RARB: variants seen among roughly 807,000 people sequenced by gnomAD.
RARB encodes the protein retinoic acid receptor beta, also known as HBV-activated protein.
RARB carries 17 observed loss-of-function variants against 51.9 expected under a neutral mutation model. The observed-to-expected ratio is 0.33, with a 90% CI of 0.22 to 0.49. The LOEUF is 0.49. Ranked by LOEUF, RARB falls within the 20% of genes least tolerant of loss-of-function variation. RARB has a pLI of 0.99. For synonymous variants in RARB, 215 were observed against 195.4 expected, an observed-to-expected ratio of 1.10 and a Z score of -0.84; for missense variants, 369 against 550.8, an observed-to-expected ratio of 0.67 and a Z score of 3.30.
At chr3:25,154,502 C>G (rs565716617) in intron 4 of RARB, among the ~76,000 whole-genome samples, 1 of 152,196 alleles carries the variant, frequency 6.6e-6, no homozygotes, top group Non-Finnish European at 1.5e-5. Context: ...AGTCTCCTGG[C>G]TGGTTGTCCA....
chr3:25,095,005 T>A (rs1405640395), intron 3 of RARB, among the ~76,000 whole-genome samples: 1 of 152,126 alleles, frequency 6.6e-6, no homozygotes, highest in Admixed American at 6.5e-5. Context: ...ACTGAAGAAA[T>A]ACAGGAATTC....
intron 5 of RARB, among the ~76,000 whole-genome samples, chr3:25,199,501 G>C (rs1028688493): frequency 6.6e-6 from 1 of 152,056 alleles, no homozygotes; most frequent in African/African-American, 2.4e-5. Flanking sequence ...TGTGCACAAT[G>C]TGCAGGTTTG....
intron 3 of RARB, among the ~76,000 whole-genome samples, chr3:25,073,787 A>AC (rs373169735): frequency 2.8e-4 from 42 of 152,278 alleles, no homozygotes; most frequent in African/African-American, 9.1e-4. Flanking sequence ...TAAGTTAGAA[A>AC]CCACAATTTC....
rs572922268 is a variant in RARB, at chr3:24,854,225, T to C, written c.-458-4449T>C. Among the ~76,000 whole-genome samples the C allele has an allele frequency of 5.3e-5, 8 of 152,328 alleles. No homozygotes were observed. The South Asian group carries it at 1.7e-3, about 32-fold the overall frequency. On this transcript the variant is annotated intron_variant, in intron 1 of 11. Transcript: ENST00000383772. ...CATGCAAACTCTCCTTGGACTTCTTTGGTTGGTAGTAAATGAGCTGAGGGG... is the reference window on the plus strand; with the variant it reads ...CATGCAAACTCTCCTTGGACTTCTTCGGTTGGTAGTAAATGAGCTGAGGGG...
intron 2 of RARB, among the ~76,000 whole-genome samples, chr3:24,921,108 A>G (rs1210793760): frequency 6.6e-6 from 1 of 152,124 alleles, no homozygotes; most frequent in African/African-American, 2.4e-5. Flanking sequence ...TAATCTCTTA[A>G]CTAGTATATG....
intron 5 of RARB, among the ~76,000 whole-genome samples, chr3:25,254,358 G>A (rs1269693377): frequency 6.6e-6 from 1 of 152,112 alleles, no homozygotes; most frequent in Non-Finnish European, 1.5e-5. Context: ...TCTTAATTTA[G>A]TCTTGGAGTT....
At chr3:25,154,450 G>A (rs994135430) in intron 4 of RARB, among the ~76,000 whole-genome samples, 12 of 152,058 alleles carry the variant, frequency 7.9e-5, no homozygotes, top group African/African-American at 1.9e-4. Flanking sequence ...TCATCATGGC[G>A]GAGACCAAAG....
chr3:25,280,746 T>C (rs1703502636), intron 5 of RARB, among the ~76,000 whole-genome samples: 1 of 152,216 alleles, frequency 6.6e-6, no homozygotes. Context: ...TTCCGTTGTA[T>C]TCTTGCCATT....
chr3:25,123,298 G>A (rs751931659), intron 3 of RARB, among the ~76,000 whole-genome samples: 7 of 152,188 alleles, frequency 4.6e-5, no homozygotes, highest in Non-Finnish European at 1.0e-4. Context: ...TCAGGACTGA[G>A]CATCTGTTTA....
chr3:25,022,513 T>C (rs1411011623), intron 2 of RARB, among the ~76,000 whole-genome samples: 1 of 152,172 alleles, frequency 6.6e-6, no homozygotes, highest in Admixed American at 6.6e-5. Flanking sequence ...AAAACTCTGG[T>C]CAAACTATTC....
intron 3 of RARB, among the ~76,000 whole-genome samples, chr3:25,563,750 C>T (rs928462385): frequency 6.6e-6 from 1 of 152,128 alleles, no homozygotes; most frequent in Non-Finnish European, 1.5e-5. Flanking sequence ...TACAGGTCAT[C>T]CCCAACTCAT....
At position 25,028,571 on chromosome 3, in the gene RARB, T is replaced by C. The variant is rs138745903; in HGVS notation, c.-379-31554T>C. ...CATGTTAGTCTGATAAAAACAGTTA[T>C]AGGTACAGAGTGGATTTTAGAAGAG... is the stretch of plus-strand genomic sequence containing the variant. On this transcript the variant is annotated intron_variant, in intron 2 of 11. Coordinates refer to the RARB transcript ENST00000383772. Among the ~76,000 whole-genome samples the C allele has an allele frequency of 6.4e-4, 97 of 152,216 alleles. 1 individual carries two copies. The highest frequency in any genetic ancestry group is 9.7e-4 in the East Asian group (5 of 5,176).
At chr3:25,299,257 C>G (rs1316114330) in intron 5 of RARB, among the ~76,000 whole-genome samples, 3 of 152,092 alleles carry the variant, frequency 2.0e-5, no homozygotes, top group Admixed American at 6.6e-5. Context: ...AAAGAAAGAT[C>G]CATCTTCATT....
At chr3:25,098,522 A>T (rs866735905) in intron 3 of RARB, among the ~76,000 whole-genome samples, 1 of 152,338 alleles carries the variant, frequency 6.6e-6, no homozygotes, top group Middle Eastern at 3.4e-3. Flanking sequence ...TAGCTTCTTC[A>T]TTGTAAAGGA....
intron 5 of RARB, among the ~76,000 whole-genome samples, chr3:25,282,158 C>A (rs1358199642): frequency 6.6e-6 from 1 of 152,170 alleles, no homozygotes; most frequent in Non-Finnish European, 1.5e-5. Context: ...AATTAGGTGC[C>A]AGATATGGCC....
At chr3:24,972,710 T>G (rs1696426726) in intron 2 of RARB, among the ~76,000 whole-genome samples, 1 of 152,094 alleles carries the variant, frequency 6.6e-6, no homozygotes, top group Non-Finnish European at 1.5e-5. Flanking sequence ...GATATCTCAT[T>G]GTGGTTTTGA....
chr3:25,215,841 T>G lies in RARB; in HGVS notation c.178+41266T>G, dbSNP rs1022613064. Among the ~76,000 whole-genome samples the G allele has an allele frequency of 3.3e-5, 5 of 152,208 alleles. No individual in the cohort carries two copies. In the East Asian group the frequency reaches 9.6e-4, roughly 29 times the overall value. ...ATGTTCTACAAATGGAGCCACACTC[T>G]GTGATTCAAGAAAGTAATGTCTGGC... On this transcript the variant is annotated intron_variant, in intron 5 of 11. Coordinates refer to the RARB transcript ENST00000383772.
At chr3:25,026,559 AG>A (rs2125287763) in intron 2 of RARB, among the ~76,000 whole-genome samples, 1 of 152,316 alleles carries the variant, frequency 6.6e-6, no homozygotes, top group South Asian at 2.1e-4. Flanking sequence ...AGATTGGATT[AG>A]GGTCTACTCA....
intron 2 of RARB, among the ~76,000 whole-genome samples, chr3:24,979,840 C>T (rs1451766974): frequency 3.3e-5 from 5 of 151,942 alleles, no homozygotes; most frequent in Admixed American, 1.3e-4. Context: ...TTATTTCACC[C>T]GTTAATTGAT....
Sources: allele counts gnomAD v4.1 joint callset (sites outside exome capture counted in the v4.1 genomes callset), GRCh38; gene constraint gnomAD v4.1.1; transcripts MANE v1.5; gene names NCBI Gene and HGNC (gene_info 2026-07-23, HGNC 2026-07-21).